CLDN10: variants seen among roughly 807,000 people sequenced by gnomAD.
CLDN10 encodes claudin 10, also known as claudin-10.
Under a neutral mutation model 22.9 loss-of-function variants are expected in CLDN10, and 15 were observed. The observed-to-expected ratio is 0.65, with a 90% CI of 0.44 to 1.01. The LOEUF (loss-of-function observed/expected upper bound fraction) is 1.01. CLDN10 is among the 50% of genes least tolerant of loss of function. The pLI is 0.00. For missense variants in CLDN10, 247 were observed against 287.8 expected, an observed-to-expected ratio of 0.86 and a Z score of 1.03; for synonymous variants, 114 against 111.4, an observed-to-expected ratio of 1.02 and a Z score of -0.15.
At chr13:95,516,020 G>C (rs1193054753) in intron 1 of CLDN10, among the ~76,000 whole-genome samples, 1 of 151,676 alleles carries the variant, frequency 6.6e-6, no homozygotes, top group Non-Finnish European at 1.5e-5. Context: ...GTTGCAGTGA[G>C]CTGAGATTAT....
At chr13:95,469,707 C>T (rs887500798) in intron 1 of CLDN10, among the ~76,000 whole-genome samples, 1 of 152,110 alleles carries the variant, frequency 6.6e-6, no homozygotes, top group African/African-American at 2.4e-5. Flanking sequence ...ATCATGAGCC[C>T]AGGATGAGCA....
intron 1 of CLDN10, among the ~76,000 whole-genome samples, chr13:95,441,025 C>T (rs1420385028): frequency 6.6e-6 from 1 of 152,200 alleles, no homozygotes; most frequent in Non-Finnish European, 1.5e-5. Context: ...GGGCCAGGAC[C>T]TTATCTCATT....
chr13:95,539,054 A>T (rs1044182592), intron 1 of CLDN10, among the ~76,000 whole-genome samples: 2 of 151,910 alleles, frequency 1.3e-5, no homozygotes, highest in African/African-American at 2.4e-5. Context: ...TAATTTTTGT[A>T]TTTTTGTAGA....
intron 1 of CLDN10, among the ~76,000 whole-genome samples, chr13:95,500,403 G>A (rs2042973210): frequency 6.6e-6 from 1 of 152,190 alleles, no homozygotes; most frequent in Non-Finnish European, 1.5e-5. Flanking sequence ...AGGAAGGAGA[G>A]TGCGCCTGGC....
At chr13:95,494,409 T>C (rs1037636915) in intron 1 of CLDN10, among the ~76,000 whole-genome samples, 1 of 152,242 alleles carries the variant, frequency 6.6e-6, no homozygotes, top group Non-Finnish European at 1.5e-5. Flanking sequence ...GTTTGCTCTA[T>C]GTAACACGCA....
chr13:95,572,482 C>A (rs1019223478), intron 3 of CLDN10, among the ~76,000 whole-genome samples: 1 of 152,036 alleles, frequency 6.6e-6, no homozygotes, highest in Non-Finnish European at 1.5e-5. Context: ...GATAGTAATA[C>A]CTATCTCCCA....
intron 1 of CLDN10, among the ~76,000 whole-genome samples, chr13:95,520,604 C>T (rs535702691): frequency 2.6e-5 from 4 of 152,260 alleles, no homozygotes; most frequent in South Asian, 4.1e-4. Flanking sequence ...AACTCCTGAC[C>T]TCCGGTGATC....
rs116219079 is a variant in CLDN10, at chr13:95,485,783, A to T, written c.214+51736A>T. ...GTGCTTTGAGGCCAACTCAAATGTA[A>T]CCTCCTCTGGGGTGACTTTCCTGGG... is the stretch of plus-strand genomic sequence containing the variant. On this transcript the variant is annotated intron_variant, in intron 1 of 4. Transcript: ENST00000376873. Among the ~76,000 whole-genome samples the T allele has an allele frequency of 2.7e-3, 414 of 152,270 alleles. 4 individuals carry two copies. Among genetic ancestry groups the T allele is most frequent in the African/African-American group, 9.7e-3 (404 of 41,552 alleles).
chr13:95,478,512 C>T (rs1323894774), intron 1 of CLDN10, among the ~76,000 whole-genome samples: 1 of 152,126 alleles, frequency 6.6e-6, no homozygotes, highest in African/African-American at 2.4e-5. Context: ...GACCAGAGAA[C>T]AGAGAAACAG....
rs988146747 is a variant in CLDN10 at position 95,560,056 on chromosome 13, T to A, written c.221-76T>A. ...CTTTTTGGAAAACAAACATCCAGAA[T>A]GACAACGTAAAATGAGGATTTCTCC... On this transcript the variant is annotated intron_variant, in intron 1 of 4. Transcript: ENST00000299339. 3.0e-6 allele frequency: 4 copies of A among 1,349,402 alleles called. No individual in the cohort carries two copies. The African/African-American group carries it at 5.8e-5, about 20-fold the overall frequency. The allele number at this position is 1,349,402 out of a possible 1,614,324, so 83.6% of individuals were successfully genotyped here.
chr13:95,556,270 T>C (rs1253592160), intron 1 of CLDN10, among the ~76,000 whole-genome samples: 2 of 152,102 alleles, frequency 1.3e-5, no homozygotes, highest in Non-Finnish European at 2.9e-5. Flanking sequence ...GGTCTTGAAC[T>C]CCTGACCTCA....
chr13:95,527,881 T>C (rs2043301250), intron 1 of CLDN10, among the ~76,000 whole-genome samples: 1 of 152,164 alleles, frequency 6.6e-6, no homozygotes, highest in Non-Finnish European at 1.5e-5. Flanking sequence ...GTGTGACATT[T>C]GTAGGGAAAA....
At chr13:95,526,201 T>C (rs2043279244) in intron 1 of CLDN10, among the ~76,000 whole-genome samples, 1 of 152,224 alleles carries the variant, frequency 6.6e-6, no homozygotes, top group Non-Finnish European at 1.5e-5. Flanking sequence ...TCTGTGAAAA[T>C]ATTAATTATA....
At chr13:95,445,186 G>A (rs1158045937) in intron 1 of CLDN10, among the ~76,000 whole-genome samples, 2 of 152,216 alleles carry the variant, frequency 1.3e-5, no homozygotes, top group Non-Finnish European at 2.9e-5. Context: ...GGACATACAA[G>A]AAAGACCTAA....
intron 1 of CLDN10, among the ~76,000 whole-genome samples, chr13:95,437,883 G>A (rs2042287086): frequency 6.6e-6 from 1 of 152,148 alleles, no homozygotes; most frequent in South Asian, 2.1e-4. Flanking sequence ...TAAATTAAGA[G>A]AACAGATCTC....
chr13:95,553,043 C>T, intron 1 of CLDN10, 70 bp downstream of exon 1: 1 of 1,558,984 alleles, frequency 6.4e-7, no homozygotes, highest in African/African-American at 1.3e-5. Flanking sequence ...CGCCCTCTCG[C>T]CCCCAATACC....
chr13:95,484,573 T>C (rs185963979), intron 1 of CLDN10, among the ~76,000 whole-genome samples: 1,577 of 151,920 alleles, frequency 0.01, 25 homozygotes, highest in African/African-American at 0.036. Context: ...CCAGGTGTGG[T>C]GGCTCACGCC....
intron 1 of CLDN10, among the ~76,000 whole-genome samples, chr13:95,555,634 G>T (rs1476839330): frequency 6.6e-6 from 1 of 151,952 alleles, no homozygotes; most frequent in African/African-American, 2.4e-5. Flanking sequence ...CTGTTTTTTT[G>T]ATGACTTTCC....
At chr13:95,500,958 A>G (rs899058041) in intron 1 of CLDN10, among the ~76,000 whole-genome samples, 8 of 152,080 alleles carry the variant, frequency 5.3e-5, no homozygotes, top group Admixed American at 2.0e-4. Flanking sequence ...CATGTAAGGG[A>G]TACCATCGAG....
Sources: allele counts gnomAD v4.1 joint callset (sites outside exome capture counted in the v4.1 genomes callset), GRCh38; gene constraint gnomAD v4.1.1; transcripts MANE v1.5; gene names NCBI Gene and HGNC (gene_info 2026-07-23, HGNC 2026-07-21).